SI: variants seen among roughly 807,000 people sequenced by gnomAD.
SI encodes sucrase-isomaltase, also known as sucrase-isomaltase, intestinal.
SI carries 235 observed loss-of-function variants against 253.3 expected under a neutral mutation model. That is an observed-to-expected ratio of 0.93 (90% CI 0.83 to 1.03). The LOEUF is 1.03. Ranked by LOEUF, SI falls within the 50% of genes least tolerant of loss-of-function variation. SI has a pLI of 0.00. For synonymous variants in SI, 819 were observed against 712.0 expected (o/e 1.15, Z -2.39); for missense variants, 2,442 against 2,211.1 (o/e 1.10, Z -2.09).
At position 164,982,333 on chromosome 3, in the gene SI, C is replaced by T; in HGVS notation, c.5325G>A (p.Trp1775Ter). 1.2e-6 allele frequency: 2 copies of T among 1,612,408 alleles called. No individual in the cohort carries two copies. The highest frequency in any genetic ancestry group is 1.7e-6 in the Non-Finnish European group (2 of 1,178,846). The change falls in exon 47 of 48, where the codon TGG (tryptophan) becomes TGA (stop). Residue 1775 changes from tryptophan (W) to a stop codon, truncating the protein, a stop_gained. Coordinates refer to ENST00000264382, the MANE Select transcript of SI (RefSeq NM_001041.4). LOFTEE classifies it high-confidence loss of function. ...CATTGACAGGAGTAGTTCCTTTCCC[C>T]CATACATGAAGGGATCCAAGCCTCG... Reference protein sequence around the residue: ...SETRLGSLHVWGKGTTPVNAV... With the variant: ...SETRLGSLHV
At chr3:164,990,666 A>G (rs901519559) in intron 44 of SI, among the ~76,000 whole-genome samples, 3 of 152,090 alleles carry the variant, frequency 2.0e-5, no homozygotes, top group African/African-American at 7.2e-5. Flanking sequence ...CAAACACCGC[A>G]TGTTCTCAGT....
chr3:164,992,710 C>T (rs745966282), intron 41 of SI, among the ~76,000 whole-genome samples: 36 of 151,588 alleles, frequency 2.4e-4, no homozygotes, highest in Non-Finnish European at 4.1e-4. Context: ...ATTAACTTTG[C>T]CTAGTATATG....
intron 25 of SI, among the ~76,000 whole-genome samples, chr3:165,028,865 A>G (rs985887487): frequency 6.6e-6 from 1 of 150,662 alleles, no homozygotes; most frequent in African/African-American, 2.4e-5. Flanking sequence ...AAATTGTCTC[A>G]GGCAAGGATT....
At chr3:165,042,362 G>A (rs148070602) in intron 17 of SI, among the ~76,000 whole-genome samples, 2 of 152,162 alleles carry the variant, frequency 1.3e-5, no homozygotes, top group African/African-American at 4.8e-5. Context: ...TGCAACCAGT[G>A]TGTGAACACT....
Position 165,026,805 on chromosome 3 carries a change from A to G in SI, c.2893-3029T>C, listed in dbSNP as rs139224888. Among the ~76,000 whole-genome samples, 785 of 151,210 alleles carry G rather than the reference A, an allele frequency of 5.2e-3. 10 individuals carry two copies. The highest frequency in any genetic ancestry group is 0.018 in the African/African-American group (746 of 41,450). ...TAGTGACACAGCCTATCAAAACCTC[A>G]GGGATACAACATACGCAGTACTAAG... is the stretch of plus-strand genomic sequence containing the variant. On this transcript the variant is annotated intron_variant, in intron 25 of 47. Coordinates refer to ENST00000264382, the MANE Select transcript of SI (RefSeq NM_001041.4).
At chr3:165,035,187 A>T (rs575352381) in intron 22 of SI, among the ~76,000 whole-genome samples, 1 of 152,166 alleles carries the variant, frequency 6.6e-6, no homozygotes, top group South Asian at 2.1e-4. Context: ...AGAGAAGTAC[A>T]TAGAAGACTG....
chr3:165,037,588 T>C (rs987684267), intron 21 of SI, among the ~76,000 whole-genome samples: 1 of 152,102 alleles, frequency 6.6e-6, no homozygotes, highest in South Asian at 2.1e-4. Context: ...CACTCAATTA[T>C]ATAACAAATA....
At chr3:165,075,445 C>G (rs1010026008) in intron 2 of SI, among the ~76,000 whole-genome samples, 3 of 151,922 alleles carry the variant, frequency 2.0e-5, no homozygotes, top group African/African-American at 7.2e-5. Flanking sequence ...CAACTTTCCT[C>G]TACCTGCCTT....
intron 47 of SI, among the ~76,000 whole-genome samples, chr3:164,981,846 C>T (rs1178040786): frequency 6.6e-6 from 1 of 152,086 alleles, no homozygotes; most frequent in Non-Finnish European, 1.5e-5. Flanking sequence ...TATCACACTC[C>T]TGTATTAATG....
At chr3:165,054,056 T>C (rs2108240141) in intron 13 of SI, among the ~76,000 whole-genome samples, 1 of 152,210 alleles carries the variant, frequency 6.6e-6, no homozygotes, top group South Asian at 2.1e-4. Context: ...AGCAGAAACA[T>C]AATCTTTCCA....
intron 16 of SI, among the ~76,000 whole-genome samples, chr3:165,043,816 G>T (rs1232086245): frequency 1.3e-5 from 2 of 151,888 alleles, no homozygotes; most frequent in Non-Finnish European, 1.5e-5. Context: ...CAGTATAAAT[G>T]ACATGTTGTA....
chr3:165,022,535 T>TCA (rs10686237), intron 26 of SI, among the ~76,000 whole-genome samples: 21,129 of 137,414 alleles, frequency 0.15, 1,524 homozygotes, highest in East Asian at 0.26. Context: ...TTGTGCCATC[T>TCA]CACACACACA....
In SI at chr3:165,016,089, T is replaced by C. The variant is rs886287291; in HGVS notation, c.3760-9A>G. The C allele has an allele frequency of 3.1e-6, 5 of 1,611,954 alleles. No individual in the cohort carries two copies. The highest frequency in any genetic ancestry group is 4.2e-6 in the Non-Finnish European group (5 of 1,178,512). On this transcript the variant is annotated splice_polypyrimidine_tract_variant and intron_variant, in intron 31 of 47. Transcript: ENST00000264382. ...TCTGTGTACTGAACATCCTGAAATATCCAAAAATTATCAAAGTAGGGCAAA... is the reference window on the plus strand; with the variant it reads ...TCTGTGTACTGAACATCCTGAAATACCCAAAAATTATCAAAGTAGGGCAAA...
At chr3:165,077,191 A>G (rs1387369986) in intron 1 of SI, among the ~76,000 whole-genome samples, 1 of 151,526 alleles carries the variant, frequency 6.6e-6, no homozygotes, top group Non-Finnish European at 1.5e-5. Flanking sequence ...ATTTTTAGAT[A>G]ACATATTGCC....
intron 7 of SI, 86 bp from the exon 8 acceptor site, chr3:165,063,627 A>T: frequency 1.5e-6 from 1 of 655,052 alleles, no homozygotes; most frequent in Non-Finnish European, 2.7e-6. Context: ...TTCATGAATT[A>T]ATTTGTTGCT....
chr3:164,994,432 A>T (rs781432722), intron 40 of SI, 27 bp from the exon 41 acceptor site: 1 of 1,607,572 alleles, frequency 6.2e-7, no homozygotes, highest in Admixed American at 1.7e-5. Flanking sequence ...TAACATAGTT[A>T]TAAGCTTTGG....
At chr3:165,007,153 T>G (rs902219163) in intron 36 of SI, among the ~76,000 whole-genome samples, 199 bp from the exon 37 acceptor site, 1 of 152,242 alleles carries the variant, frequency 6.6e-6, no homozygotes, top group East Asian at 1.9e-4. Context: ...ATTACATGAA[T>G]TAATAAAAAC....
intron 17 of SI, 61 bp from the exon 18 acceptor site, chr3:165,041,155 G>A (rs1712809714): frequency 2.0e-6 from 3 of 1,485,604 alleles, no homozygotes; most frequent in Non-Finnish European, 2.8e-6. Flanking sequence ...AATTAAAGTA[G>A]AAGCATTTTA....
At chr3:164,994,000 G>C (rs78540900) in intron 41 of SI, among the ~76,000 whole-genome samples, 20,446 of 151,620 alleles carry the variant, frequency 0.13, 1,548 homozygotes, top group African/African-American at 0.19. Flanking sequence ...ACAATACCTT[G>C]TATACAGTAA....
Sources: allele counts gnomAD v4.1 joint callset (sites outside exome capture counted in the v4.1 genomes callset), GRCh38; gene constraint gnomAD v4.1.1; transcripts MANE v1.5; gene names NCBI Gene and HGNC (gene_info 2026-07-23, HGNC 2026-07-21).